NUP160: variants seen among roughly 807,000 people sequenced by gnomAD.
NUP160 encodes the protein nucleoporin 160, also known as nuclear pore complex protein Nup160.
In NUP160, 94 loss-of-function variants were observed where a neutral mutation model predicts 196.9. The observed-to-expected ratio is 0.48, with a 90% confidence interval of 0.40 to 0.57. The LOEUF (loss-of-function observed/expected upper bound fraction) is 0.57, where lower values mean the gene tolerates loss of function less well. NUP160 is among the 20% of genes least tolerant of loss of function. The pLI, the probability that NUP160 is intolerant of heterozygous loss-of-function variation, is 0.00. For missense variants in NUP160, 1,638 were observed against 1,748.3 expected, an observed-to-expected ratio of 0.94 and a Z score of 1.13; for synonymous variants, 605 against 619.7, an observed-to-expected ratio of 0.98 and a Z score of 0.35.
At position 47,803,537 on chromosome 11, in the gene NUP160, C is replaced by T. The variant is rs771999390; in HGVS notation, c.2677-1G>A. On this transcript the variant is annotated splice_acceptor_variant, in intron 21 of 35. Coordinates refer to ENST00000378460, the Ensembl canonical transcript of NUP160. LOFTEE classifies it high-confidence loss of function. ...AGGGATGTAGCAGTTGAATATAATC[C>T]TTAAAGGCATAAAAGGTGCTTTCTG... The T allele has an allele frequency of 6.4e-7, 1 of 1,558,368 alleles. No homozygotes were observed.
At chr11:47,831,091 A>T (rs1455196784) in intron 7 of NUP160, among the ~76,000 whole-genome samples, 1 of 152,098 alleles carries the variant, frequency 6.6e-6, no homozygotes, top group Admixed American at 6.6e-5. Context: ...TGAACCTGGG[A>T]GGCGGAGGTT....
intron 19 of NUP160, 120 bp from the exon 20 acceptor site, chr11:47,806,432 GTA>G (rs2097677673): frequency 1.4e-6 from 1 of 704,392 alleles, no homozygotes; most frequent in Non-Finnish European, 2.3e-6. Flanking sequence ...AACAGAAAAT[GTA>G]TCACGGGTAT....
chr11:47,798,650 C>G (rs183629181), intron 23 of NUP160, among the ~76,000 whole-genome samples, 187 bp from the exon 24 acceptor site: 1 of 151,796 alleles, frequency 6.6e-6, no homozygotes, highest in Non-Finnish European at 1.5e-5. Context: ...ATGGCAAGAC[C>G]CCCATCTCTA....
At chr11:47,829,184 G>GC (rs59517247) in intron 7 of NUP160, among the ~76,000 whole-genome samples, 46,206 of 152,040 alleles carry the variant, frequency 0.3, 8,429 homozygotes, top group African/African-American at 0.51. Flanking sequence ...AATACTACTT[G>GC]CAAGTCATAA....
intron 35 of NUP160, chr11:47,779,623 T>G (rs1297314820): frequency 2.0e-6 from 1 of 507,582 alleles, no homozygotes; most frequent in Non-Finnish European, 3.9e-6. Flanking sequence ...GAAACACTAT[T>G]GTTTTTTATG....
At chr11:47,831,161 T>TCAA (rs75205280) in intron 7 of NUP160, among the ~76,000 whole-genome samples, 51,832 of 150,874 alleles carry the variant, frequency 0.34, 10,219 homozygotes, top group South Asian at 0.52. Flanking sequence ...AGATTCCATC[T>TCAA]CAACAACAAC....
At chr11:47,792,912 A>C (rs976921363) in exon 28 of NUP160, 1 of 1,613,972 alleles carries the variant, frequency 6.2e-7, no homozygotes, top group Non-Finnish European at 8.5e-7. Flanking sequence ...CTTCTCTGCC[A>C]AGCCGCATTC....
intron 17 of NUP160, among the ~76,000 whole-genome samples, chr11:47,810,013 A>C (rs2097680222): frequency 6.6e-6 from 1 of 152,072 alleles, no homozygotes; most frequent in Admixed American, 6.6e-5. Context: ...TCTACAATGA[A>C]TATCTTATTA....
chr11:47,798,967 G>A (rs1279276601), intron 23 of NUP160, among the ~76,000 whole-genome samples: 1 of 147,434 alleles, frequency 6.8e-6, no homozygotes, highest in African/African-American at 2.5e-5. Context: ...AAGCAAGCTT[G>A]TTGAATGAAA....
intron 4 of NUP160, 26 bp from the exon 5 acceptor site, chr11:47,837,649 T>G: frequency 6.3e-7 from 1 of 1,585,490 alleles, no homozygotes; most frequent in Non-Finnish European, 8.7e-7. Context: ...AGGCACCTCT[T>G]GAACACACTT....
intron 9 of NUP160, 86 bp downstream of exon 9, chr11:47,821,638 G>T: frequency 1.1e-6 from 1 of 948,520 alleles, no homozygotes; most frequent in Non-Finnish European, 1.7e-6. Context: ...AGGATTACAG[G>T]CATGAGACAC....
chr11:47,845,662 T>C (rs1021461373), intron 2 of NUP160, among the ~76,000 whole-genome samples: 4 of 152,198 alleles, frequency 2.6e-5, no homozygotes, highest in African/African-American at 9.6e-5. Flanking sequence ...CCCTGTTCCC[T>C]AAAAACGGAC....
chr11:47,786,467 A>G (rs903872101), exon 32 of NUP160: 3 of 1,612,268 alleles, frequency 1.9e-6, no homozygotes, highest in African/African-American at 2.7e-5. Flanking sequence ...ACTCCTTAGT[A>G]GTGATGACAG....
intron 29 of NUP160, among the ~76,000 whole-genome samples, chr11:47,790,815 T>A (rs1004698262): frequency 4.6e-5 from 7 of 152,156 alleles, no homozygotes; most frequent in African/African-American, 2.4e-5. Context: ...TCCTTAATGG[T>A]GTCTGGGAAC....
chr11:47,791,890 T>C, intron 29 of NUP160, 40 bp downstream of exon 29: 1 of 1,296,894 alleles, frequency 7.7e-7, no homozygotes, highest in Non-Finnish European at 1.1e-6. Flanking sequence ...ACAACATTAC[T>C]ACTGTCTAGC....
chr11:47,808,418 T>C lies in NUP160; in HGVS notation c.2353A>G (p.Thr785Ala), dbSNP rs750912372. ...CACAGTGTGTCAAGTGGAACATCAG[T>C]TGCCAAGCACTCACTTCCCCATTTA... Residue 785 changes from threonine (T) to alanine (A), a missense_variant, in exon 18 of 36, where the codon ACT becomes GCT. This residue lies in a region of NUP160 where 1,345 missense variants were observed against 1,470.2 expected (regional missense o/e 0.91). Transcript: ENST00000378460. 18 of 1,613,398 alleles carry C rather than the reference T, an allele frequency of 1.1e-5. No homozygotes were observed. The highest frequency in any genetic ancestry group is 3.3e-5 in the Admixed American group (2 of 59,980).
intron 7 of NUP160, among the ~76,000 whole-genome samples, chr11:47,832,155 C>T (rs542434756): frequency 5.8e-4 from 89 of 152,152 alleles, no homozygotes; most frequent in South Asian, 1.2e-3. Context: ...CTGCCTCAGC[C>T]TCCCAAAGTG....
At chr11:47,793,529 A>T (rs1173454836) in intron 27 of NUP160, among the ~76,000 whole-genome samples, 1 of 152,068 alleles carries the variant, frequency 6.6e-6, no homozygotes, top group African/African-American at 2.4e-5. Flanking sequence ...CATGTCATTC[A>T]GTAATTCCAC....
At chr11:47,816,241 A>G (rs1217594644) in intron 11 of NUP160, among the ~76,000 whole-genome samples, 1 of 152,160 alleles carries the variant, frequency 6.6e-6, no homozygotes, top group African/African-American at 2.4e-5. Context: ...TGAAGGGTTG[A>G]TTTATAGAAG....
Sources: allele counts gnomAD v4.1 joint callset (sites outside exome capture counted in the v4.1 genomes callset), GRCh38; gene constraint gnomAD v4.1.1; regional missense constraint gnomAD v4.1.1; transcripts MANE v1.5; gene names NCBI Gene and HGNC (gene_info 2026-07-23, HGNC 2026-07-21).